ALCAM: variants seen among roughly 807,000 people sequenced by gnomAD.
The protein encoded by ALCAM is activated leukocyte cell adhesion molecule.
A neutral mutation model predicts 70.9 loss-of-function variants in ALCAM; 30 were observed. The observed-to-expected ratio is 0.42, with a 90% confidence interval of 0.32 to 0.57. The LOEUF (loss-of-function observed/expected upper bound fraction) is 0.57, where lower values mean the gene tolerates loss of function less well. Ranked by LOEUF, ALCAM falls within the 20% of genes least tolerant of loss-of-function variation. The probability of loss-of-function intolerance (pLI) is 0.11; values close to 1 mark genes in which losing one functional copy is unlikely to be tolerated. For missense variants in ALCAM, 591 were observed against 695.1 expected (o/e 0.85, Z 1.68); for synonymous variants, 249 against 242.5 (o/e 1.03, Z -0.25).
intron 1 of ALCAM, among the ~76,000 whole-genome samples, chr3:105,383,354 C>T (rs1404424589): frequency 6.6e-6 from 1 of 151,628 alleles, no homozygotes; most frequent in East Asian, 1.9e-4. Flanking sequence ...CGGTACACAC[C>T]CATGATGATT....
chr3:105,526,366 A>G (rs1939705750), intron 3 of ALCAM, among the ~76,000 whole-genome samples: 1 of 152,012 alleles, frequency 6.6e-6, no homozygotes, highest in Admixed American at 6.6e-5. Flanking sequence ...TGATTTTTTC[A>G]GAAATCTGAA....
intron 4 of ALCAM, among the ~76,000 whole-genome samples, chr3:105,532,601 C>G (rs73192770): frequency 0.1 from 15,356 of 151,824 alleles, 988 homozygotes; most frequent in Middle Eastern, 0.17. Context: ...AGAGCCAGAC[C>G]CTGTGTAGAA....
chr3:105,541,971 G>A (rs1026245691), intron 8 of ALCAM, among the ~76,000 whole-genome samples: 8 of 151,976 alleles, frequency 5.3e-5, no homozygotes, highest in African/African-American at 1.7e-4. Context: ...TCTGATAACC[G>A]CAACTTTTGG....
At chr3:105,472,024 A>G (rs1396517308) in intron 1 of ALCAM, among the ~76,000 whole-genome samples, 3 of 151,412 alleles carry the variant, frequency 2.0e-5, no homozygotes, top group African/African-American at 4.8e-5. Flanking sequence ...TCTAGATTCT[A>G]CATATCAGTG....
intron 1 of ALCAM, among the ~76,000 whole-genome samples, chr3:105,487,596 A>G (rs1938467936): frequency 1.3e-5 from 2 of 152,220 alleles, no homozygotes; most frequent in African/African-American, 4.8e-5. Flanking sequence ...GGAGGACTAG[A>G]AACAGAAGAG....
intron 14 of ALCAM, among the ~76,000 whole-genome samples, chr3:105,560,712 T>C (rs974009514): frequency 1.3e-5 from 2 of 152,168 alleles, no homozygotes; most frequent in African/African-American, 4.8e-5. Flanking sequence ...TAGTGTGAGA[T>C]AAAGGTGGGA....
At chr3:105,516,096 T>C (rs1164634438) in intron 1 of ALCAM, among the ~76,000 whole-genome samples, 1 of 151,966 alleles carries the variant, frequency 6.6e-6, no homozygotes, top group African/African-American at 2.4e-5. Flanking sequence ...CAGGCTAAAT[T>C]ACAGCATGTG....
intron 1 of ALCAM, among the ~76,000 whole-genome samples, chr3:105,387,384 T>G (rs1194721975): frequency 6.6e-6 from 1 of 151,436 alleles, no homozygotes; most frequent in East Asian, 1.9e-4. Context: ...ATTAGCTTTT[T>G]CTCTTTAGAT....
intron 1 of ALCAM, among the ~76,000 whole-genome samples, chr3:105,421,946 G>A (rs1033245236): frequency 1.4e-3 from 209 of 151,342 alleles, no homozygotes; most frequent in African/African-American, 4.8e-3. Context: ...CAGCCAAGTA[G>A]TGTTTATTGT....
At chr3:105,567,701 C>T (rs1407035820) in intron 14 of ALCAM, among the ~76,000 whole-genome samples, 1 of 152,142 alleles carries the variant, frequency 6.6e-6, no homozygotes, top group Non-Finnish European at 1.5e-5. Flanking sequence ...TCCTTTAAGC[C>T]ATTAAGTGAG....
intron 1 of ALCAM, among the ~76,000 whole-genome samples, chr3:105,407,650 T>A (rs1383330078): frequency 6.6e-6 from 1 of 152,074 alleles, no homozygotes; most frequent in Non-Finnish European, 1.5e-5. Context: ...TTCCCCCAGA[T>A]AACTGGAACA....
chr3:105,463,287 G>T (rs1937629552), intron 1 of ALCAM, among the ~76,000 whole-genome samples: 1 of 151,440 alleles, frequency 6.6e-6, no homozygotes, highest in African/African-American at 2.4e-5. Context: ...CAGCCATTAA[G>T]ATGGTTTTCT....
intron 1 of ALCAM, among the ~76,000 whole-genome samples, chr3:105,491,286 T>A (rs1422785122): frequency 2.0e-5 from 3 of 152,180 alleles, no homozygotes; most frequent in African/African-American, 7.2e-5. Context: ...TTTTTCCTCC[T>A]AGGTCTCTGG....
chr3:105,395,306 A>G (rs1935922745), intron 1 of ALCAM, among the ~76,000 whole-genome samples: 1 of 151,988 alleles, frequency 6.6e-6, no homozygotes. Flanking sequence ...AGGATGTTTC[A>G]TACAGTGTCA....
intron 1 of ALCAM, among the ~76,000 whole-genome samples, chr3:105,406,730 A>G (rs559114681): frequency 6.6e-6 from 1 of 152,008 alleles, no homozygotes. Context: ...CGACAACAAC[A>G]ACAAAAAACA....
chr3:105,418,219 A>G (rs1936555540), intron 1 of ALCAM, among the ~76,000 whole-genome samples: 1 of 151,896 alleles, frequency 6.6e-6, no homozygotes, highest in Non-Finnish European at 1.5e-5. Context: ...ATGTAAAGGA[A>G]AACAGAACAA....
intron 1 of ALCAM, among the ~76,000 whole-genome samples, chr3:105,497,887 C>T (rs533606405): frequency 9.9e-5 from 15 of 151,878 alleles, no homozygotes; most frequent in African/African-American, 2.2e-4. Flanking sequence ...AAAAATTAGC[C>T]GGGCGTGGTG....
chr3:105,459,219 A>G (rs903378011), intron 1 of ALCAM, among the ~76,000 whole-genome samples: 2 of 152,068 alleles, frequency 1.3e-5, no homozygotes, highest in African/African-American at 4.8e-5. Context: ...CGCATGAAAT[A>G]TTCTTCCCTC....
chr3:105,495,084 T>C (rs556501203), intron 1 of ALCAM, among the ~76,000 whole-genome samples: 3 of 152,322 alleles, frequency 2.0e-5, no homozygotes, highest in Admixed American at 6.5e-5. Flanking sequence ...TCATACAGAC[T>C]GAGAGAGATC....
Sources: allele counts gnomAD v4.1 joint callset (sites outside exome capture counted in the v4.1 genomes callset), GRCh38; gene constraint gnomAD v4.1.1; transcripts MANE v1.5; gene names NCBI Gene and HGNC (gene_info 2026-07-23, HGNC 2026-07-21).